The following LANCL3 variants were observed in gnomAD, a reference collection of about 807,000 sequenced individuals.
LANCL3 encodes lanC-like protein 3.
A neutral mutation model predicts 26.5 loss-of-function variants in LANCL3; 19 were observed. The observed-to-expected ratio is 0.72, with a 90% CI of 0.50 to 1.05. The LOEUF is 1.05. Among genes scored for constraint, LANCL3 ranks in the 50% least tolerant of loss-of-function variants. The pLI is 0.00. For synonymous variants in LANCL3, 160 were observed against 166.6 expected (o/e 0.96, Z 0.30); for missense variants, 318 against 362.7 (o/e 0.88, Z 1.00).
intron 1 of LANCL3, among the ~76,000 whole-genome samples, chrX:37,576,602 G>A (rs1923754842): frequency 8.9e-6 from 1 of 111,816 alleles, no homozygotes; most frequent in Non-Finnish European, 1.9e-5. Context: ...CATTCATTCA[G>A]TAAATGTCAG....
intron 4 of LANCL3, among the ~76,000 whole-genome samples, chrX:37,669,947 C>T (rs1926641535): frequency 8.9e-6 from 1 of 112,114 alleles, no homozygotes; most frequent in Non-Finnish European, 1.9e-5. Flanking sequence ...AAGGGACATT[C>T]TTTATTTCAT....
rs186317346 is a variant in LANCL3, at chrX:37,572,344, G to T, written c.474G>T (p.Ala158=). ...TCCGGGCTCTGTGTGCCGTCTGCGC[G>T]CCGGTCTCCTTCCTGGAGTGCGGCT... is the stretch of plus-strand genomic sequence containing the variant. ...GKFRALCAVC[A]PVSFLECGSD... The change falls in exon 1 of 5, where the codon GCG becomes GCT. Residue 158 remains alanine (A), a synonymous_variant. Coordinates refer to ENST00000378619, the MANE Select transcript of LANCL3 (RefSeq NM_001170331.2). 0.023 allele frequency: 26,569 copies of T among 1,164,435 alleles called. 260 individuals are homozygous for T. The highest frequency in any genetic ancestry group is 0.085 in the Middle Eastern group (351 of 4,147).
chrX:37,655,270 CA>C (rs1373448105), intron 1 of LANCL3, among the ~76,000 whole-genome samples: 3 of 111,832 alleles, frequency 2.7e-5, no homozygotes, highest in African/African-American at 9.7e-5. Context: ...CTAAATAACA[CA>C]AATTGAAGGT....
intron 1 of LANCL3, among the ~76,000 whole-genome samples, chrX:37,593,632 A>G (rs1924349678): frequency 1.8e-5 from 2 of 112,359 alleles, no homozygotes. Flanking sequence ...TTTTAAAACA[A>G]TGAACATGTA....
At chrX:37,593,174 A>G (rs782141123) in intron 1 of LANCL3, among the ~76,000 whole-genome samples, 1 of 111,592 alleles carries the variant, frequency 9.0e-6, no homozygotes, top group East Asian at 2.8e-4. Context: ...ATGGGATCAC[A>G]AAACCTGAGG....
At chrX:37,644,887 C>G (rs1884688) in intron 1 of LANCL3, among the ~76,000 whole-genome samples, 46,571 of 111,282 alleles carry the variant, frequency 0.42, 10,071 homozygotes, top group African/African-American at 0.86. Flanking sequence ...TAATCAGTGT[C>G]GGGTGTGGAC....
rs1924891289 is a variant in LANCL3, at chrX:37,612,108, T to C, written c.573+39665T>C. Among the ~76,000 whole-genome samples, 3 of 109,792 alleles carry C rather than the reference T, an allele frequency of 2.7e-5. No homozygotes were observed. In the South Asian group the frequency reaches 1.2e-3, roughly 43 times the overall value. On this transcript the variant is annotated intron_variant, in intron 1 of 4. Coordinates refer to ENST00000378619, the MANE Select transcript of LANCL3 (RefSeq NM_001170331.2). The stretch of plus-strand genomic sequence containing the variant: ...GGCATGGGCCATGAGTCCTGGCTAA[T>C]TTTTTGTATTTTTAGTAGAGACGGG...
At chrX:37,631,194 C>T (rs1344311075) in intron 1 of LANCL3, among the ~76,000 whole-genome samples, 3 of 111,535 alleles carry the variant, frequency 2.7e-5, no homozygotes, top group Non-Finnish European at 3.8e-5. Context: ...GTGTATGTGT[C>T]GAGAAATTTA....
At chrX:37,610,306 C>A (rs1353181634) in intron 1 of LANCL3, among the ~76,000 whole-genome samples, 1 of 111,674 alleles carries the variant, frequency 9.0e-6, no homozygotes, top group Non-Finnish European at 1.9e-5. Flanking sequence ...AGCAAAAGTG[C>A]ATGACATTTC....
chrX:37,651,425 A>G lies in LANCL3; in HGVS notation c.574-4263A>G, dbSNP rs181185694. 2.2e-3 allele frequency among the ~76,000 whole-genome samples: 250 copies of G among 112,203 alleles called. 1 individual carries two copies. The highest frequency in any genetic ancestry group is 7.4e-3 in the African/African-American group (227 of 30,853). On this transcript the variant is annotated intron_variant, in intron 1 of 4. Transcript: ENST00000378619. Reference sequence around the variant, plus strand: ...CATTTTATGACTTTTTAAAGTCTTTAGAGTTGGCAATTTTGTTATTCTTTA... The same window carrying G: ...CATTTTATGACTTTTTAAAGTCTTTGGAGTTGGCAATTTTGTTATTCTTTA...
chrX:37,598,724 T>C (rs1924503796), intron 1 of LANCL3, among the ~76,000 whole-genome samples: 1 of 112,683 alleles, frequency 8.9e-6, no homozygotes, highest in Non-Finnish European at 1.9e-5. Context: ...GTCGGACTTC[T>C]ACAGTCCTGA....
At chrX:37,630,769 A>G (rs1925474065) in intron 1 of LANCL3, among the ~76,000 whole-genome samples, 1 of 110,065 alleles carries the variant, frequency 9.1e-6, no homozygotes, top group South Asian at 4.0e-4. Flanking sequence ...ATTTGCGTAT[A>G]TTGAACCAGC....
At chrX:37,668,964 G>T (rs1926614537) in intron 4 of LANCL3, among the ~76,000 whole-genome samples, 1 of 112,008 alleles carries the variant, frequency 8.9e-6, no homozygotes. Flanking sequence ...GGGATGTTTG[G>T]TAGTTTAAAC....
At chrX:37,586,794 A>G (rs1332882919) in intron 1 of LANCL3, among the ~76,000 whole-genome samples, 15 of 111,682 alleles carry the variant, frequency 1.3e-4, no homozygotes, top group African/African-American at 4.2e-4. Flanking sequence ...TCTTCTCTCA[A>G]CTCATCAAAG....
chrX:37,576,611 A>G (rs1180106808), intron 1 of LANCL3, among the ~76,000 whole-genome samples: 8 of 111,859 alleles, frequency 7.2e-5, no homozygotes, highest in South Asian at 3.8e-4. Flanking sequence ...AGTAAATGTC[A>G]GGTTTCTACA....
intron 4 of LANCL3, among the ~76,000 whole-genome samples, chrX:37,673,665 A>G (rs1926734060): frequency 8.9e-6 from 1 of 111,812 alleles, no homozygotes; most frequent in Non-Finnish European, 1.9e-5. Context: ...CTACCCTCAG[A>G]CATTGCTGGT....
chrX:37,612,081 C>T (rs1208208954), intron 1 of LANCL3, among the ~76,000 whole-genome samples: 2 of 110,360 alleles, frequency 1.8e-5, no homozygotes, highest in Admixed American at 9.6e-5. Context: ...GCTGGGACTA[C>T]GGGCATGGGC....
chrX:37,595,355 C>T (rs1361450732), intron 1 of LANCL3, among the ~76,000 whole-genome samples: 2 of 112,456 alleles, frequency 1.8e-5, no homozygotes, highest in African/African-American at 3.2e-5. Context: ...TGGCAACCTA[C>T]ATTTTAAAAC....
chrX:37,640,339 G>C (rs1556425809), intron 1 of LANCL3, among the ~76,000 whole-genome samples: 1 of 111,217 alleles, frequency 9.0e-6, no homozygotes, highest in Non-Finnish European at 1.9e-5. Context: ...CACAAAGAGG[G>C]AAGTACCTCA....
Sources: allele counts gnomAD v4.1 joint callset (sites outside exome capture counted in the v4.1 genomes callset), GRCh38; gene constraint gnomAD v4.1.1; transcripts MANE v1.5; gene names NCBI Gene and HGNC (gene_info 2026-07-23, HGNC 2026-07-21).